NSMCE2: variants seen among roughly 807,000 people sequenced by gnomAD.
NSMCE2 encodes the protein NSE2 SUMO ligase component of SMC5/6 complex, also known as E3 SUMO-protein ligase NSE2.
NSMCE2 carries 24 observed loss-of-function variants against 23.8 expected under a neutral mutation model. The observed-to-expected ratio is 1.01, with a 90% CI of 0.73 to 1.42. The LOEUF is 1.42. Ranked by LOEUF, NSMCE2 falls within the 40% of genes most tolerant of loss-of-function variation. NSMCE2 has a pLI of 0.00. For synonymous variants in NSMCE2, 92 were observed against 94.1 expected, an observed-to-expected ratio of 0.98 and a Z score of 0.13; for missense variants, 284 against 296.5, an observed-to-expected ratio of 0.96 and a Z score of 0.31.
intron 5 of NSMCE2, among the ~76,000 whole-genome samples, chr8:125,252,264 C>T (rs937295158): frequency 4.6e-5 from 7 of 152,308 alleles, no homozygotes; most frequent in Middle Eastern, 3.4e-3. Context: ...CACAGTGGCT[C>T]ACGCCTATAA....
intron 5 of NSMCE2, among the ~76,000 whole-genome samples, chr8:125,275,406 A>G (rs765169593): frequency 2.6e-5 from 4 of 152,194 alleles, no homozygotes; most frequent in Non-Finnish European, 5.9e-5. Flanking sequence ...GAACTCCACT[A>G]GAGAAGTGCC....
At chr8:125,176,013 T>C (rs1472277205) in intron 4 of NSMCE2, among the ~76,000 whole-genome samples, 1 of 152,186 alleles carries the variant, frequency 6.6e-6, no homozygotes, top group African/African-American at 2.4e-5. Flanking sequence ...ACTCATTGAT[T>C]ACCTTCTCCT....
chr8:125,196,001 C>T (rs771006703), intron 5 of NSMCE2, among the ~76,000 whole-genome samples: 3 of 149,768 alleles, frequency 2.0e-5, no homozygotes, highest in Non-Finnish European at 4.4e-5. Flanking sequence ...ATTCTGCTGC[C>T]TCCCAAGTAG....
At chr8:125,197,989 G>C (rs749481685) in intron 5 of NSMCE2, among the ~76,000 whole-genome samples, 14 of 152,226 alleles carry the variant, frequency 9.2e-5, no homozygotes, top group Admixed American at 2.6e-4. Context: ...TTGGGTCTCT[G>C]TCTGTTATTG....
At chr8:125,214,435 G>T (rs148337980) in intron 5 of NSMCE2, among the ~76,000 whole-genome samples, 1 of 152,182 alleles carries the variant, frequency 6.6e-6, no homozygotes, top group African/African-American at 2.4e-5. Context: ...AGGCAAGGAG[G>T]CTGAGTCATG....
chr8:125,332,631 G>T (rs1829920985), intron 5 of NSMCE2, among the ~76,000 whole-genome samples: 1 of 152,172 alleles, frequency 6.6e-6, no homozygotes, highest in Admixed American at 6.5e-5. Flanking sequence ...CTCTAGTCAA[G>T]CTAATCCAGA....
In NSMCE2 at chr8:125,214,925, C is replaced by T. The variant is rs1024082752; in HGVS notation, c.418+32669C>T. On this transcript the variant is annotated intron_variant, in intron 5 of 7. Coordinates refer to ENST00000287437, the MANE Select transcript of NSMCE2 (RefSeq NM_173685.4). ...GATGTGCAACCATCACCATTAGCCA[C>T]CTCCAGAACTTTTTCAGTAACCCTG... Among the ~76,000 whole-genome samples, 17 of 152,238 alleles carry T rather than the reference C, an allele frequency of 1.1e-4. No homozygotes were observed. The East Asian group carries it at 2.1e-3, about 19-fold the overall frequency.
chr8:125,233,845 C>T (rs994522679), intron 5 of NSMCE2, among the ~76,000 whole-genome samples: 5 of 151,954 alleles, frequency 3.3e-5, no homozygotes, highest in African/African-American at 1.2e-4. Context: ...CTGTCACTTT[C>T]TACATCTAAT....
intron 5 of NSMCE2, among the ~76,000 whole-genome samples, chr8:125,261,555 A>G (rs753418294): frequency 2.6e-4 from 39 of 152,170 alleles, no homozygotes; most frequent in Non-Finnish European, 4.3e-4. Flanking sequence ...ATAAAACTCT[A>G]GTATCTTGAA....
intron 5 of NSMCE2, among the ~76,000 whole-genome samples, chr8:125,298,121 G>C (rs1195537760): frequency 6.6e-6 from 1 of 152,030 alleles, no homozygotes; most frequent in Admixed American, 6.6e-5. Flanking sequence ...TTTGCCTGGT[G>C]TGGTGGTACA....
chr8:125,136,616 T>G (rs1384265383), intron 3 of NSMCE2, among the ~76,000 whole-genome samples: 1 of 152,152 alleles, frequency 6.6e-6, no homozygotes, highest in Non-Finnish European at 1.5e-5. Flanking sequence ...TGAATATTAA[T>G]AGTTCTTTAT....
At chr8:125,300,678 G>T (rs1446057108) in intron 5 of NSMCE2, among the ~76,000 whole-genome samples, 1 of 152,186 alleles carries the variant, frequency 6.6e-6, no homozygotes, top group Non-Finnish European at 1.5e-5. Context: ...AGTAGGAACA[G>T]GTGGTCTCAA....
intron 1 of NSMCE2, among the ~76,000 whole-genome samples, chr8:125,101,580 AG>A (rs1460113146): frequency 6.6e-6 from 1 of 152,138 alleles, no homozygotes; most frequent in Admixed American, 6.5e-5. Context: ...AGTTGGTTTC[AG>A]TGGATTGAGT....
intron 3 of NSMCE2, among the ~76,000 whole-genome samples, chr8:125,117,349 A>G (rs1334522066): frequency 2.6e-5 from 4 of 152,016 alleles, no homozygotes; most frequent in Non-Finnish European, 5.9e-5. Context: ...AGCCTCCCAA[A>G]GTGCTAGGAT....
intron 3 of NSMCE2, among the ~76,000 whole-genome samples, chr8:125,107,634 T>A (rs901958569): frequency 6.6e-6 from 1 of 152,170 alleles, no homozygotes; most frequent in Non-Finnish European, 1.5e-5. Context: ...TTTCCACAAT[T>A]GCTTTTGCAC....
chr8:125,308,986 T>C (rs1828865257), intron 5 of NSMCE2, among the ~76,000 whole-genome samples: 1 of 152,216 alleles, frequency 6.6e-6, no homozygotes, highest in South Asian at 2.1e-4. Context: ...GGCTTACGCC[T>C]GTAATCCCAG....
intron 5 of NSMCE2, among the ~76,000 whole-genome samples, chr8:125,314,590 G>A (rs544576841): frequency 1.4e-3 from 211 of 152,228 alleles, no homozygotes; most frequent in Non-Finnish European, 2.6e-3. Flanking sequence ...GTGCTTGGCC[G>A]AGCCTTGCAT....
At chr8:125,152,644 A>G (rs1284113482) in intron 4 of NSMCE2, among the ~76,000 whole-genome samples, 4 of 152,218 alleles carry the variant, frequency 2.6e-5, no homozygotes, top group African/African-American at 9.6e-5. Context: ...TGCAAATGCA[A>G]TAGCACAGTG....
At chr8:125,309,344 G>A (rs763475687) in intron 5 of NSMCE2, among the ~76,000 whole-genome samples, 3 of 151,292 alleles carry the variant, frequency 2.0e-5, no homozygotes, top group Non-Finnish European at 2.9e-5. Flanking sequence ...AATTCATTAA[G>A]CACTTTAGGA....
Sources: allele counts gnomAD v4.1 joint callset (sites outside exome capture counted in the v4.1 genomes callset), GRCh38; gene constraint gnomAD v4.1.1; transcripts MANE v1.5; gene names NCBI Gene and HGNC (gene_info 2026-07-23, HGNC 2026-07-21).